UBE2V2: variants seen among roughly 807,000 people sequenced by gnomAD.
The protein encoded by UBE2V2 is ubiquitin-conjugating enzyme E2 variant 2.
Under a neutral mutation model 17.2 loss-of-function variants are expected in UBE2V2, and 9 were observed. That is an observed-to-expected ratio of 0.52 (90% CI 0.32 to 0.91). The LOEUF (loss-of-function observed/expected upper bound fraction) is 0.91, where lower values mean the gene tolerates loss of function less well. Among genes scored for constraint, UBE2V2 ranks in the 40% least tolerant of loss-of-function variants. The pLI is 0.04. For missense variants in UBE2V2, 133 were observed against 182.6 expected (o/e 0.73, Z 1.56); for synonymous variants, 61 against 57.5 (o/e 1.06, Z -0.28).
At chr8:48,008,396 A>T, upstream of UBE2V2, 1 of 1,549,706 alleles carries the variant, frequency 6.5e-7, no homozygotes, top group East Asian at 2.7e-5. Flanking sequence ...GCGCTCCCGG[A>T]AGTGACGCGC....
intron 1 of UBE2V2, among the ~76,000 whole-genome samples, chr8:48,038,036 C>T (rs1341374642): frequency 1.3e-5 from 2 of 152,188 alleles, no homozygotes; most frequent in Non-Finnish European, 2.9e-5. Flanking sequence ...CAAACATTGC[C>T]CAGCATTCTC....
intron 3 of UBE2V2, 41 bp downstream of exon 3, chr8:48,050,019 T>C: frequency 7.6e-7 from 1 of 1,324,084 alleles, no homozygotes; most frequent in Non-Finnish European, 1.0e-6. Context: ...TAACATAATG[T>C]ATAGAGTTAT....
intron 1 of UBE2V2, among the ~76,000 whole-genome samples, chr8:48,034,536 C>T (rs1303868236): frequency 1.2e-4 from 18 of 151,932 alleles, no homozygotes; most frequent in Admixed American, 9.2e-4. Flanking sequence ...GAATTATGAT[C>T]AAAATATATG....
intron 1 of UBE2V2, among the ~76,000 whole-genome samples, chr8:48,020,225 T>G (rs751010684): frequency 2.6e-5 from 4 of 152,066 alleles, no homozygotes; most frequent in Non-Finnish European, 4.4e-5. Flanking sequence ...TTTGTAGAGA[T>G]GGGGTCTCAA....
the UBE2V2 span, among the ~76,000 whole-genome samples, chr8:48,000,709 C>A: frequency 6.6e-6 from 1 of 150,936 alleles, no homozygotes; most frequent in Non-Finnish European, 1.5e-5. Context: ...GTAGTCCCAG[C>A]TACTTGGGAG....
At chr8:48,060,639 C>CT in intron 3 of UBE2V2, 43 bp from the exon 4 acceptor site, 6 of 1,380,568 alleles carry the variant, frequency 4.3e-6, no homozygotes, top group Non-Finnish European at 3.8e-6. Context: ...TGCCATAGTA[C>CT]TTTAAACTTG....
intron 3 of UBE2V2, among the ~76,000 whole-genome samples, chr8:48,051,849 A>C (rs900211337): frequency 6.6e-6 from 1 of 151,482 alleles, no homozygotes; most frequent in Non-Finnish European, 1.5e-5. Context: ...GTCATTGGAA[A>C]CCTTAGCCCT....
At chr8:48,023,186 G>A (rs1364600731) in intron 1 of UBE2V2, among the ~76,000 whole-genome samples, 1 of 150,212 alleles carries the variant, frequency 6.7e-6, no homozygotes, top group Non-Finnish European at 1.5e-5. Context: ...CTCCATATTT[G>A]TACAGTTTTT....
intron 1 of UBE2V2, among the ~76,000 whole-genome samples, chr8:48,029,814 T>G (rs1401138596): frequency 3.9e-5 from 6 of 152,224 alleles, no homozygotes; most frequent in Non-Finnish European, 2.9e-5. Flanking sequence ...TGGAGAGATA[T>G]CTGTTTATTT....
chr8:48,033,848 TTGGGAGGCTAAGG>T (rs2091401546), intron 1 of UBE2V2, among the ~76,000 whole-genome samples: 1 of 152,022 alleles, frequency 6.6e-6, no homozygotes, highest in South Asian at 2.1e-4. Flanking sequence ...TCCCAGCAAC[TTGGGAGGCTAAGG>T]TGGGAGGATC....
upstream of UBE2V2, among the ~76,000 whole-genome samples, chr8:48,006,828 A>G (rs757184997): frequency 6.6e-6 from 1 of 152,108 alleles, no homozygotes; most frequent in Non-Finnish European, 1.5e-5. Context: ...CCCACAGCCA[A>G]TATCATACTG....
At chr8:48,003,213 CAAAAA>C in the UBE2V2 span, among the ~76,000 whole-genome samples, 2 of 58,578 alleles carry the variant, frequency 3.4e-5, no homozygotes, top group Non-Finnish European at 3.6e-5. Context: ...CTGTCTCAAA[CAAAAA>C]AAAAAAAAAA....
chr8:48,058,520 C>T (rs1481385127), intron 3 of UBE2V2, among the ~76,000 whole-genome samples: 2 of 148,816 alleles, frequency 1.3e-5, no homozygotes, highest in African/African-American at 5.0e-5. Context: ...TGCAGTAAGC[C>T]ACAATTGTGC....
chr8:48,019,581 C>T (rs1358130518), intron 1 of UBE2V2, among the ~76,000 whole-genome samples: 1 of 151,704 alleles, frequency 6.6e-6, no homozygotes, highest in East Asian at 1.9e-4. Context: ...CTTTGGGAGG[C>T]TGAGGCTGGC....
chr8:48,017,600 C>T (rs1307100389), intron 1 of UBE2V2, among the ~76,000 whole-genome samples: 2 of 151,774 alleles, frequency 1.3e-5, no homozygotes, highest in African/African-American at 2.4e-5. Context: ...AATAAACTCC[C>T]GACCTCAGGT....
chr8:48,049,805 A>G (rs949810542), intron 2 of UBE2V2, 48 bp from the exon 3 acceptor site: 5 of 1,525,456 alleles, frequency 3.3e-6, no homozygotes, highest in East Asian at 2.3e-5. Flanking sequence ...AGACATTAAT[A>G]TTTTAGGTAT....
chr8:48,049,745 TGTCTTAC>T, intron 2 of UBE2V2, 101 bp from the exon 3 acceptor site: 1 of 956,144 alleles, frequency 1.0e-6, no homozygotes, highest in Non-Finnish European at 1.5e-6. Context: ...TCATAAACAC[TGTCTTAC>T]GTACATTCAT....
chr8:48,005,944 T>C (rs1031675027), upstream of UBE2V2, among the ~76,000 whole-genome samples: 1 of 152,254 alleles, frequency 6.6e-6, no homozygotes, highest in Non-Finnish European at 1.5e-5. Context: ...TTGCAAAAAT[T>C]TTCTCCCATT....
At chr8:48,045,652 T>G (rs1403051714) in intron 2 of UBE2V2, among the ~76,000 whole-genome samples, 1 of 152,132 alleles carries the variant, frequency 6.6e-6, no homozygotes, top group Non-Finnish European at 1.5e-5. Context: ...CTGAACCTCA[T>G]CAGAGACCCC....
Sources: gnomAD v4.1 joint callset for allele counts (sites outside exome capture counted in the v4.1 genomes callset) on GRCh38, gnomAD v4.1.1 for gene constraint, MANE v1.5 for transcripts, NCBI Gene and HGNC (gene_info 2026-07-23, HGNC 2026-07-21) for gene names.